CLVS1: variants seen among roughly 807,000 people sequenced by gnomAD.
CLVS1 encodes the protein clavesin-1.
CLVS1 carries 10 observed loss-of-function variants against 33.1 expected under a neutral mutation model. The observed-to-expected ratio is 0.30, with a 90% confidence interval of 0.19 to 0.51. The LOEUF (loss-of-function observed/expected upper bound fraction) is 0.51. Ranked by LOEUF, CLVS1 falls within the 20% of genes least tolerant of loss-of-function variation. The probability of loss-of-function intolerance (pLI) is 0.97; values close to 1 mark genes in which losing one functional copy is unlikely to be tolerated. For synonymous variants in CLVS1, 163 were observed against 166.1 expected (o/e 0.98, Z 0.14); for missense variants, 343 against 433.4 (o/e 0.79, Z 1.85).
chr8:61,007,096 A>T, the CLVS1 span, among the ~76,000 whole-genome samples: 1 of 152,246 alleles, frequency 6.6e-6, no homozygotes, highest in Non-Finnish European at 1.5e-5. Flanking sequence ...TCTCTTTATC[A>T]GAAAAGGATC....
chr8:61,039,425 A>AC, the CLVS1 span, among the ~76,000 whole-genome samples: 1 of 152,258 alleles, frequency 6.6e-6, no homozygotes, highest in Non-Finnish European at 1.5e-5. Flanking sequence ...TGTCCAGAGC[A>AC]CACAGGCTCC....
chr8:61,386,154 T>C (rs1814075778), intron 3 of CLVS1, among the ~76,000 whole-genome samples: 1 of 152,214 alleles, frequency 6.6e-6, no homozygotes, highest in Non-Finnish European at 1.5e-5. Flanking sequence ...TCTCATACTT[T>C]ATAACTCCCA....
At chr8:61,406,429 A>C (rs1392317935) in intron 3 of CLVS1, among the ~76,000 whole-genome samples, 1 of 152,218 alleles carries the variant, frequency 6.6e-6, no homozygotes, top group African/African-American at 2.4e-5. Context: ...TTCACTACAT[A>C]GGCTAGCAAT....
intron 2 of CLVS1, among the ~76,000 whole-genome samples, chr8:61,357,227 T>C (rs954362093): frequency 1.3e-5 from 2 of 152,132 alleles, no homozygotes; most frequent in Non-Finnish European, 1.5e-5. Context: ...GAGAAAACAA[T>C]AGGCTAAGCC....
chr8:61,287,880 A>G, upstream of CLVS1: 1 of 343,188 alleles, frequency 2.9e-6, no homozygotes, highest in South Asian at 2.2e-5. Context: ...GTACGTCTCA[A>G]CGGAACCAGG....
the CLVS1 span, among the ~76,000 whole-genome samples, chr8:61,008,301 G>T: frequency 1.3e-5 from 2 of 152,128 alleles, no homozygotes; most frequent in Admixed American, 1.3e-4. Flanking sequence ...AATGAGACAT[G>T]ATTCATCAAG....
At chr8:61,384,694 C>T (rs1814014390) in intron 3 of CLVS1, among the ~76,000 whole-genome samples, 1 of 152,046 alleles carries the variant, frequency 6.6e-6, no homozygotes, top group African/African-American at 2.4e-5. Context: ...TACCTTAAAT[C>T]TGAGCTGAAG....
chr8:61,490,669 A>C (rs2129608595), intron 5 of CLVS1, among the ~76,000 whole-genome samples: 1 of 148,416 alleles, frequency 6.7e-6, no homozygotes, highest in Non-Finnish European at 1.5e-5. Flanking sequence ...AAAAAAAAAA[A>C]AAAGTAGGTA....
At chr8:61,009,788 G>A in the CLVS1 span, among the ~76,000 whole-genome samples, 2 of 152,180 alleles carry the variant, frequency 1.3e-5, no homozygotes, top group African/African-American at 4.8e-5. Context: ...AGAAAGGTGT[G>A]TGTTTCAACG....
the CLVS1 span, among the ~76,000 whole-genome samples, chr8:60,981,226 A>C: frequency 6.6e-6 from 1 of 152,250 alleles, no homozygotes; most frequent in African/African-American, 2.4e-5. Context: ...GGCAAAGCCT[A>C]TGGATTCCTT....
chr8:61,340,606 T>C (rs1246978597), intron 2 of CLVS1, among the ~76,000 whole-genome samples: 1 of 152,194 alleles, frequency 6.6e-6, no homozygotes, highest in Admixed American at 6.5e-5. Flanking sequence ...GCAAGTTGAT[T>C]CCATGTCTTG....
intron 2 of CLVS1, among the ~76,000 whole-genome samples, chr8:61,281,977 C>T (rs758122613): frequency 2.6e-5 from 4 of 152,264 alleles, no homozygotes; most frequent in East Asian, 1.9e-4. Flanking sequence ...TTTTGCAATG[C>T]CTTTTGAGAA....
chr8:61,065,241 C>G (rs185881624), intron 1 of CLVS1, among the ~76,000 whole-genome samples: 1 of 152,248 alleles, frequency 6.6e-6, no homozygotes, highest in African/African-American at 2.4e-5. Flanking sequence ...ATACCTAACA[C>G]AATGTATTAG....
intron 2 of CLVS1, among the ~76,000 whole-genome samples, chr8:61,187,338 A>G (rs1378392176): frequency 6.6e-6 from 1 of 152,004 alleles, no homozygotes; most frequent in Non-Finnish European, 1.5e-5. Context: ...TCATTTCCTT[A>G]TTGTCTTTGA....
chr8:61,013,727 T>A, the CLVS1 span, among the ~76,000 whole-genome samples: 1 of 152,330 alleles, frequency 6.6e-6, no homozygotes, highest in Non-Finnish European at 1.5e-5. Context: ...AAAATCAACA[T>A]GCTGGTCCAT....
At chr8:61,353,993 A>G (rs1812583045) in intron 2 of CLVS1, among the ~76,000 whole-genome samples, 1 of 152,018 alleles carries the variant, frequency 6.6e-6, no homozygotes, top group Non-Finnish European at 1.5e-5. Flanking sequence ...CTTAGAAAAT[A>G]TGAAACAATT....
At chr8:61,429,591 G>T (rs1816034966) in intron 3 of CLVS1, among the ~76,000 whole-genome samples, 1 of 152,128 alleles carries the variant, frequency 6.6e-6, no homozygotes, top group Non-Finnish European at 1.5e-5. Context: ...CAATGTCGTT[G>T]TATTGGGGAT....
chr8:61,492,118 G>C (rs559448849), intron 5 of CLVS1, among the ~76,000 whole-genome samples: 249 of 152,256 alleles, frequency 1.6e-3, no homozygotes, highest in Non-Finnish European at 2.4e-3. Flanking sequence ...GATTATTCTA[G>C]GTTCAGCCAC....
chr8:61,467,152 G>C (rs555357568), intron 5 of CLVS1, among the ~76,000 whole-genome samples: 1 of 152,164 alleles, frequency 6.6e-6, no homozygotes, highest in Non-Finnish European at 1.5e-5. Context: ...GATTTTGATT[G>C]AGGGTAAGAA....
Sources: allele counts gnomAD v4.1 joint callset (sites outside exome capture counted in the v4.1 genomes callset), GRCh38; gene constraint gnomAD v4.1.1; transcripts MANE v1.5; gene names NCBI Gene and HGNC (gene_info 2026-07-23, HGNC 2026-07-21).